The following COL4A4 variants were observed in gnomAD, a reference collection of about 807,000 sequenced individuals.
COL4A4 encodes collagen alpha-4(IV) chain.
Under a neutral mutation model 192.9 loss-of-function variants are expected in COL4A4, and 105 were observed. The ratio of observed to expected loss-of-function variants is 0.54; its 90% CI spans 0.46 to 0.64. The LOEUF (loss-of-function observed/expected upper bound fraction) is 0.64, where lower values mean the gene tolerates loss of function less well. COL4A4 is among the 30% of genes least tolerant of loss of function. The probability of loss-of-function intolerance (pLI) is 0.00; values close to 1 mark genes in which losing one functional copy is unlikely to be tolerated. For missense variants in COL4A4, 1,967 were observed against 2,169.3 expected, an observed-to-expected ratio of 0.91 and a Z score of 1.85; for synonymous variants, 762 against 769.9, an observed-to-expected ratio of 0.99 and a Z score of 0.17.
Position 227,034,483 on chromosome 2 carries a change from C to G in COL4A4, c.3506-1002G>C, listed in dbSNP as rs570625844. On this transcript the variant is annotated intron_variant, in intron 37 of 47. Coordinates refer to ENST00000396625, the MANE Select transcript of COL4A4 (RefSeq NM_000092.5). ...GAGCACTGAAGCTTCTTCCCAGCCT[C>G]TGGTCAAGCCTGGAAAACTTCCTAT... 2.0e-5 allele frequency among the ~76,000 whole-genome samples: 3 copies of G among 152,128 alleles called. No individual in the cohort carries two copies. The South Asian group carries it at 6.2e-4, about 32-fold the overall frequency.
In COL4A4 at chr2:227,041,851, AAAG is replaced by A. The variant is rs1576026251; in HGVS notation, c.3505+294_3505+296del. ...AAGAAAGAAAGAAAGAAAGAAAGAG[AAAG>A]AAAGAAAGAAAGAAAGAAAGAAAGA... On this transcript the variant is annotated intron_variant, in intron 37 of 47. Coordinates refer to ENST00000396625, the MANE Select transcript of COL4A4 (RefSeq NM_000092.5). Among the ~76,000 whole-genome samples, 2 of 82,842 alleles carry A rather than the reference AAAG, an allele frequency of 2.4e-5. 1 individual carries two copies. Among genetic ancestry groups the A allele is most frequent in the Non-Finnish European group, 5.0e-5 (2 of 39,944 alleles). The allele number at this position is 82,842 out of a possible 152,430, so 54.3% of individuals were successfully genotyped here. A position where few individuals can be genotyped will look rare whatever the true frequency, so the allele number is the denominator to read the frequency against.
At chr2:226,967,990 T>G in the COL4A4 span, among the ~76,000 whole-genome samples, 2 of 152,206 alleles carry the variant, frequency 1.3e-5, no homozygotes, top group Non-Finnish European at 2.9e-5. Context: ...TAGTTATATC[T>G]CTTCATGAGC....
rs771066050 is a variant in COL4A4 at position 227,007,437 on chromosome 2, G to A, written c.4961C>T (p.Thr1654Met). ...FANKYSFWLT[T>M]VKADLQFSSA... ...GGAAAACTGCAAGTCTGCTTTCACCGTTGTGAGCCAGAAGCTATACTTATT... is the reference window on the plus strand; with the variant it reads ...GGAAAACTGCAAGTCTGCTTTCACCATTGTGAGCCAGAAGCTATACTTATT... The change falls in exon 48 of 48, where the codon ACG (threonine) becomes ATG (methionine). Residue 1654 changes from threonine (T) to methionine (M), a missense_variant. Thr to Met is a moderately conservative substitution (Grantham distance 81). Coordinates refer to ENST00000396625, the MANE Select transcript of COL4A4 (RefSeq NM_000092.5). 2.5e-5 allele frequency: 41 copies of A among 1,614,068 alleles called. No homozygotes were observed. Among genetic ancestry groups the A allele is most frequent in the Admixed American group, 6.7e-5 (4 of 59,996 alleles).
Position 227,038,966 on chromosome 2 carries a change from G to A in COL4A4, c.3505+3182C>T, listed in dbSNP as rs75196346. 3.3e-4 allele frequency among the ~76,000 whole-genome samples: 50 copies of A among 152,306 alleles called. 1 individual carries two copies. In the East Asian group the frequency reaches 9.6e-3, roughly 29 times the overall value. ...AGACCAGTTGTTCTCTGAGCTGTTT[G>A]AAGTGAAACAGTGTCACTATATGGT... On this transcript the variant is annotated intron_variant, in intron 37 of 47. Coordinates refer to ENST00000396625, the MANE Select transcript of COL4A4 (RefSeq NM_000092.5).
At chr2:226,999,779 A>G (rs1960471898), downstream of COL4A4, among the ~76,000 whole-genome samples, 1 of 152,200 alleles carries the variant, frequency 6.6e-6, no homozygotes, top group South Asian at 2.1e-4. Context: ...ACACACAAGC[A>G]AAACCCTAGA....
At chr2:227,158,030 T>C (rs1447204095) in intron 1 of COL4A4, among the ~76,000 whole-genome samples, 1 of 152,078 alleles carries the variant, frequency 6.6e-6, no homozygotes, top group Non-Finnish European at 1.5e-5. Context: ...AAAATCCATA[T>C]ATATGTAAAT....
In COL4A4 at chr2:227,012,286, C is replaced by G; in HGVS notation, c.4228G>C (p.Glu1410Gln). Residue 1410 changes from glutamate (E) to glutamine (Q), a missense_variant, in exon 45 of 48, where the codon GAG (glutamate) becomes CAG (glutamine). By Grantham distance (29) the Glu-to-Gln change is conservative. Coordinates refer to ENST00000396625, the MANE Select transcript of COL4A4 (RefSeq NM_000092.5). The part of the protein sequence containing the change: ...RGPSGPGCKG[E>Q]PGLDGRRGVD... ...CCCCTCCTGCCATCCAGCCCAGGCTCTCCTTTGCACCCTGCACAAAAGTTT... is the reference window on the plus strand; with the variant it reads ...CCCCTCCTGCCATCCAGCCCAGGCTGTCCTTTGCACCCTGCACAAAAGTTT... The G allele has an allele frequency of 1.9e-6, 3 of 1,613,914 alleles. No individual in the cohort carries two copies. Among genetic ancestry groups the G allele is most frequent in the Non-Finnish European group, 2.5e-6 (3 of 1,179,886 alleles).
chr2:227,103,047 G>T (rs1417820307), intron 14 of COL4A4, 97 bp downstream of exon 14: 1 of 1,153,526 alleles, frequency 8.7e-7, no homozygotes, highest in East Asian at 2.3e-5. Context: ...ATATATATTA[G>T]CACTTAAAGC....
intron 40 of COL4A4, among the ~76,000 whole-genome samples, 162 bp from the exon 41 acceptor site, chr2:227,030,760 T>A (rs1489968876): frequency 6.6e-6 from 1 of 152,230 alleles, no homozygotes; most frequent in African/African-American, 2.4e-5. Context: ...TGAAATAGAA[T>A]GAATCATAAT....
chr2:226,973,293 A>C, the COL4A4 span, among the ~76,000 whole-genome samples: 1 of 152,236 alleles, frequency 6.6e-6, no homozygotes, highest in Admixed American at 6.5e-5. Context: ...CCTGGCATCA[A>C]GTTAAGGAAA....
intron 18 of COL4A4, among the ~76,000 whole-genome samples, chr2:227,099,197 G>A (rs190042953): frequency 6.6e-6 from 1 of 152,190 alleles, no homozygotes; most frequent in Non-Finnish European, 1.5e-5. Flanking sequence ...CTCCCACGTA[G>A]CTGGGATTAC....
rs181390848 is a variant in COL4A4 at position 227,053,009 on chromosome 2, C to T, written c.2861-597G>A. Among the ~76,000 whole-genome samples, 5 of 152,154 alleles carry T rather than the reference C, an allele frequency of 3.3e-5. No homozygotes were observed. In the East Asian group the frequency reaches 7.7e-4, roughly 24 times the overall value. On this transcript the variant is annotated intron_variant, in intron 31 of 47. Transcript: ENST00000396625. ...AGAACCCTGCAAGCCAGTTGTTAAA[C>T]CATTGCTAACTTTAAATCAGCCGTG...
At chr2:227,142,012 T>C (rs2063239673) in intron 3 of COL4A4, among the ~76,000 whole-genome samples, 1 of 151,722 alleles carries the variant, frequency 6.6e-6, no homozygotes. Flanking sequence ...ATTATTTCTT[T>C]GCTTATTTTT....
At chr2:227,072,752 C>T (rs78969151) in intron 25 of COL4A4, among the ~76,000 whole-genome samples, 2,893 of 152,058 alleles carry the variant, frequency 0.019, 41 homozygotes, top group Non-Finnish European at 0.03. Flanking sequence ...TTAATATATG[C>T]AAGTCAATAA....
intron 12 of COL4A4, among the ~76,000 whole-genome samples, chr2:227,105,283 C>T (rs528378193): frequency 4.8e-4 from 72 of 150,580 alleles, no homozygotes; most frequent in South Asian, 4.2e-4. Context: ...CTCTGCCTCC[C>T]GGGCTCAAGT....
intron 1 of COL4A4, among the ~76,000 whole-genome samples, chr2:227,159,497 T>C (rs1478127673): frequency 2.0e-5 from 3 of 152,218 alleles, no homozygotes; most frequent in African/African-American, 7.2e-5. Context: ...AGAAATATAC[T>C]TTTTAGATTC....
At chr2:226,979,766 C>T in the COL4A4 span, among the ~76,000 whole-genome samples, 1 of 152,224 alleles carries the variant, frequency 6.6e-6, no homozygotes, top group East Asian at 1.9e-4. Flanking sequence ...CTTTCAGAAA[C>T]ACCCAGGAGC....
chr2:227,125,260 T>A (rs763087192), intron 4 of COL4A4, among the ~76,000 whole-genome samples: 2 of 151,904 alleles, frequency 1.3e-5, no homozygotes, highest in Non-Finnish European at 2.9e-5. Context: ...CAGGCTGGAG[T>A]GCAGTGGTGT....
At chr2:226,999,027 A>C (rs1960258440), downstream of COL4A4, 1 of 152,234 alleles carries the variant, frequency 6.6e-6, no homozygotes, top group Non-Finnish European at 1.5e-5. Flanking sequence ...AACCACATCT[A>C]CACAGTTTCC....
Sources: gnomAD v4.1 joint callset for allele counts (sites outside exome capture counted in the v4.1 genomes callset) on GRCh38, gnomAD v4.1.1 for gene constraint, MANE v1.5 for transcripts, NCBI Gene and HGNC (gene_info 2026-07-23, HGNC 2026-07-21) for gene names.